Variants in TIAM2 observed in about 807,000 individuals in gnomAD.
TIAM2 encodes the protein TIAM Rac1 associated GEF 2.
A neutral mutation model predicts 152.9 loss-of-function variants in TIAM2; 80 were observed. The observed-to-expected ratio is 0.52, with a 90% CI of 0.44 to 0.63. The LOEUF is 0.63. Ranked by LOEUF, TIAM2 falls within the 30% of genes least tolerant of loss-of-function variation. TIAM2 has a pLI of 0.00. For synonymous variants in TIAM2, 804 were observed against 838.0 expected, an observed-to-expected ratio of 0.96 and a Z score of 0.70; for missense variants, 1,965 against 2,120.1, an observed-to-expected ratio of 0.93 and a Z score of 1.44.
At chr6:155,088,380 C>T (rs1461238577) in intron 1 of TIAM2, among the ~76,000 whole-genome samples, 1 of 152,054 alleles carries the variant, frequency 6.6e-6, no homozygotes, top group Non-Finnish European at 1.5e-5. Flanking sequence ...TGCACCCGGC[C>T]CCGGTATAGG....
chr6:155,157,437 C>CT (rs1462279059), intron 7 of TIAM2, among the ~76,000 whole-genome samples: 1 of 150,986 alleles, frequency 6.6e-6, no homozygotes, highest in Non-Finnish European at 1.5e-5. Flanking sequence ...AAGTATATTT[C>CT]TTTTCTTTTT....
rs746762074 is a variant in TIAM2 at position 155,192,059 on chromosome 6, AG to A, written c.3064+8563del. ...TATGTGGGGGGCCCAGTGTAGTCAC[AG>A]GGGTCTTTACTGGAGGGAGGAGGGT... On this transcript the variant is annotated intron_variant, in intron 14 of 26. Transcript: ENST00000682666. 4.6e-5 allele frequency among the ~76,000 whole-genome samples: 7 copies of A among 152,258 alleles called. 1 individual carries two copies. In the Middle Eastern group the frequency reaches 0.017, roughly 370 times the overall value.
intron 2 of TIAM2, among the ~76,000 whole-genome samples, chr6:155,111,040 C>CA (rs1025349695): frequency 6.6e-6 from 1 of 152,032 alleles, no homozygotes; most frequent in African/African-American, 2.4e-5. Context: ...TAAGGAGAGA[C>CA]AGAGTTTGCA....
At position 155,156,944 on chromosome 6, in the gene TIAM2, T is replaced by G. The variant is rs1306470532; in HGVS notation, c.2029-7471T>G. ...AAGGCGCTGTCCTTGATCGCCCTTT[T>G]GCCCACTCCATCAGGGAGCCCCACT... On this transcript the variant is annotated intron_variant, in intron 7 of 26. Transcript: ENST00000682666. This position sits in a 1 kb window ranked among gnomAD's most constrained non-coding sequence, Gnocchi z 4.4. 6.6e-6 allele frequency among the ~76,000 whole-genome samples: 1 copy of G among 152,214 alleles called. No homozygotes were observed. The highest frequency in any genetic ancestry group is 1.5e-5 in the Non-Finnish European group (1 of 68,028).
rs1491398672 is a variant in TIAM2, at chr6:155,029,520, T to TTATATATAATATATAC, written c.-209+34032_-209+34033insTATAATATATACTATA. Among the ~76,000 whole-genome samples the TTATATATAATATATAC allele has an allele frequency of 2.6e-3, 114 of 44,008 alleles. 3 individuals are homozygous for TTATATATAATATATAC. The highest frequency in any genetic ancestry group is 6.0e-3 in the Admixed American group (16 of 2,658). The allele number at this position is 44,008 out of a possible 152,430, so 28.9% of individuals were successfully genotyped here. On this transcript the variant is annotated intron_variant, in intron 1 of 26. Coordinates refer to ENST00000682666, the MANE Select transcript of TIAM2 (RefSeq NM_012454.4). ...TATTATATATAATATATACTATATATTATAGTATAGATAATAATATATATT... is the reference window on the plus strand; with the variant it reads ...TATTATATATAATATATACTATATATTATATATAATATATACTATAGTATAGATAATAATATATATT...
At chr6:155,071,449 A>G (rs1475657600) in intron 1 of TIAM2, among the ~76,000 whole-genome samples, 1 of 152,246 alleles carries the variant, frequency 6.6e-6, no homozygotes, top group African/African-American at 2.4e-5. Context: ...CAGTGCCCAG[A>G]TATTGTTTAC....
intron 1 of TIAM2, among the ~76,000 whole-genome samples, chr6:155,028,366 A>AAT (rs535356453): frequency 1.8e-5 from 2 of 112,310 alleles, no homozygotes; most frequent in East Asian, 2.2e-4. Flanking sequence ...TACTACATAT[A>AAT]ATATATATAC....
In TIAM2 at chr6:155,104,050, C is replaced by CA. The variant is rs1277534566; in HGVS notation, c.-118+13671_-118+13672insA. Among the ~76,000 whole-genome samples, 194 of 87,586 alleles carry CA rather than the reference C, an allele frequency of 2.2e-3. 4 individuals carry two copies. Among genetic ancestry groups the CA allele is most frequent in the African/African-American group, 3.3e-3 (58 of 17,634 alleles). The allele number at this position is 87,586 out of a possible 152,430, so 57.5% of individuals were successfully genotyped here. A position where few individuals can be genotyped will look rare whatever the true frequency, so the allele number is the denominator to read the frequency against. On this transcript the variant is annotated intron_variant, in intron 2 of 26. Transcript: ENST00000682666. ...ACCTCACACACACACACCCCCCCCC[C>CA]CACACCCCCACACACCCCCACACAC...
intron 1 of TIAM2, among the ~76,000 whole-genome samples, chr6:155,030,948 A>G (rs980484280): frequency 6.6e-6 from 1 of 152,202 alleles, no homozygotes; most frequent in African/African-American, 2.4e-5. Flanking sequence ...AATGGTGCCA[A>G]AAGATTTAAT....
chr6:155,191,926 C>T (rs917114124), intron 14 of TIAM2, among the ~76,000 whole-genome samples: 8 of 152,116 alleles, frequency 5.3e-5, no homozygotes, highest in East Asian at 1.9e-4. Context: ...TGTCCACATT[C>T]GAATCCCCAG....
chr6:155,189,459 G>A (rs1282888682), intron 14 of TIAM2, among the ~76,000 whole-genome samples: 7 of 151,968 alleles, frequency 4.6e-5, no homozygotes, highest in Non-Finnish European at 8.8e-5. Context: ...GCTGAAGATC[G>A]GTTTCATTTC....
intron 2 of TIAM2, among the ~76,000 whole-genome samples, chr6:155,111,437 G>A (rs566928865): frequency 5.2e-4 from 79 of 152,038 alleles, no homozygotes; most frequent in Non-Finnish European, 9.6e-4. Context: ...GAAATAACAG[G>A]AAACTAACAA....
intron 14 of TIAM2, among the ~76,000 whole-genome samples, chr6:155,198,384 C>T (rs773036414): frequency 3.3e-5 from 5 of 152,078 alleles, no homozygotes; most frequent in African/African-American, 7.2e-5. Context: ...TTAATGAGGC[C>T]GGGCGTGGTG....
chr6:155,059,451 G>A (rs1357961028), intron 1 of TIAM2, among the ~76,000 whole-genome samples: 7 of 152,156 alleles, frequency 4.6e-5, no homozygotes, highest in Non-Finnish European at 1.0e-4. Context: ...AGCCTCCCAA[G>A]TTGCTGGGAT....
At chr6:155,101,874 G>A (rs981564714) in intron 2 of TIAM2, among the ~76,000 whole-genome samples, 3 of 152,156 alleles carry the variant, frequency 2.0e-5, no homozygotes, top group African/African-American at 7.2e-5. Flanking sequence ...GCTATTTTTT[G>A]TATTTTTTTA....
chr6:155,094,902 G>T (rs933680187), intron 2 of TIAM2, among the ~76,000 whole-genome samples: 2 of 151,832 alleles, frequency 1.3e-5, no homozygotes, highest in Non-Finnish European at 2.9e-5. Flanking sequence ...TATTTAAATA[G>T]CTCTGAAGGT....
At chr6:155,028,604 G>T (rs374229780) in intron 1 of TIAM2, among the ~76,000 whole-genome samples, 26 of 66,712 alleles carry the variant, frequency 3.9e-4, no homozygotes, top group Non-Finnish European at 5.8e-4. Context: ...TATATACTGT[G>T]TTATATATAC....
At chr6:155,242,450 C>G (rs12193765) in intron 16 of TIAM2, among the ~76,000 whole-genome samples, 1 of 152,174 alleles carries the variant, frequency 6.6e-6, no homozygotes, top group Non-Finnish European at 1.5e-5. Context: ...CTTCTCTGAG[C>G]GGTCTGGCGT....
chr6:155,060,098 A>G (rs538138459), intron 1 of TIAM2, among the ~76,000 whole-genome samples: 230 of 152,226 alleles, frequency 1.5e-3, no homozygotes, highest in Non-Finnish European at 2.7e-3. Flanking sequence ...TCTTTCCTCC[A>G]TTCCTTCTAT....
Sources: allele counts gnomAD v4.1 joint callset (sites outside exome capture counted in the v4.1 genomes callset), GRCh38; gene constraint gnomAD v4.1.1; non-coding constraint Gnocchi (gnomAD v3.1); transcripts MANE v1.5; gene names NCBI Gene and HGNC (gene_info 2026-07-23, HGNC 2026-07-21).